Variants in PRKRIP1 observed in about 807,000 individuals in gnomAD.
PRKRIP1 encodes the protein PRKR-interacting protein 1.
A neutral mutation model predicts 29.3 loss-of-function variants in PRKRIP1; 29 were observed. That is an observed-to-expected ratio of 0.99 (90% CI 0.74 to 1.35). PRKRIP1 has a LOEUF of 1.35. Ranked by LOEUF, PRKRIP1 falls within the 40% of genes most tolerant of loss-of-function variation. The probability of loss-of-function intolerance (pLI) is 0.00; values close to 1 mark genes in which losing one functional copy is unlikely to be tolerated. For synonymous variants in PRKRIP1, 90 were observed against 85.1 expected (o/e 1.06, Z -0.32); for missense variants, 247 against 236.8 (o/e 1.04, Z -0.28).
At chr7:102,416,452 G>A (rs782614673) in intron 5 of PRKRIP1, among the ~76,000 whole-genome samples, 5 of 152,110 alleles carry the variant, frequency 3.3e-5, no homozygotes, top group African/African-American at 7.2e-5. Flanking sequence ...AGGGCACCGC[G>A]TCACATTGTG....
intron 3 of PRKRIP1, among the ~76,000 whole-genome samples, chr7:102,400,233 G>A (rs1484507247): frequency 6.6e-6 from 1 of 151,166 alleles, no homozygotes; most frequent in Non-Finnish European, 1.5e-5. Context: ...TTGCTGGAAC[G>A]TGGGAGGTGG....
intron 3 of PRKRIP1, among the ~76,000 whole-genome samples, chr7:102,400,929 C>T (rs967866001): frequency 6.6e-6 from 1 of 152,066 alleles, no homozygotes; most frequent in African/African-American, 2.4e-5. Context: ...AGCCACCATG[C>T]CCGGCCAGCT....
intron 5 of PRKRIP1, chr7:102,422,927 AAACATCCG>A (rs1554573929): frequency 5.2e-5 from 15 of 285,754 alleles, no homozygotes; most frequent in Non-Finnish European, 1.1e-4. Context: ...GAAACATCCG[AAACATCCG>A]AAATCTGAAA....
intron 5 of PRKRIP1, among the ~76,000 whole-genome samples, chr7:102,416,646 A>G (rs538569373): frequency 6.7e-6 from 1 of 149,634 alleles, no homozygotes; most frequent in East Asian, 2.0e-4. Context: ...ACATCAGGGC[A>G]TTGTACTGCC....
At chr7:102,414,135 G>C (rs1466369280) in intron 5 of PRKRIP1, among the ~76,000 whole-genome samples, 1 of 152,110 alleles carries the variant, frequency 6.6e-6, no homozygotes, top group African/African-American at 2.4e-5. Context: ...GCTGAGACAG[G>C]AGAATCACTT....
chr7:102,424,917 C>A, intron 5 of PRKRIP1, 97 bp from the exon 6 acceptor site: 1 of 1,279,614 alleles, frequency 7.8e-7, no homozygotes, highest in Non-Finnish European at 1.1e-6. Context: ...GGTCTAGGAA[C>A]AGGGACTTTT....
In PRKRIP1 at chr7:102,396,459, A is replaced by C; in HGVS notation, c.48A>C (p.Lys16Asn). The C allele has an allele frequency of 6.2e-7, 1 of 1,608,366 alleles. No individual in the cohort carries two copies. Among genetic ancestry groups the C allele is most frequent in the East Asian group, 2.2e-5 (1 of 44,536 alleles). Reference sequence around the variant, plus strand: ...CGGTGCGACCACCGAGGCCCAAGAAAGAGCCGCAGACGCTCGTCATCCCCA... The same window carrying C: ...CGGTGCGACCACCGAGGCCCAAGAACGAGCCGCAGACGCTCGTCATCCCCA... ...ASSVRPPRPK[K>N]EPQTLVIPKN... Residue 16 changes from lysine (K) to asparagine (N), a missense_variant, in exon 1 of 6, where the codon AAA becomes AAC. This residue lies in a region of PRKRIP1 where 105 missense variants were observed against 80.2 expected (regional missense o/e 1.31). Transcript: ENST00000397912.
intron 5 of PRKRIP1, among the ~76,000 whole-genome samples, chr7:102,421,285 T>A (rs1554573704): frequency 6.6e-6 from 1 of 152,218 alleles, no homozygotes. Context: ...GGCTCATGCC[T>A]GTAATCCCAG....
intron 1 of PRKRIP1, among the ~76,000 whole-genome samples, chr7:102,397,019 C>T (rs1233929624): frequency 6.6e-6 from 1 of 151,980 alleles, no homozygotes; most frequent in Non-Finnish European, 1.5e-5. Flanking sequence ...AAAAGCTTGA[C>T]TCTTCTTATC....
At chr7:102,417,897 C>G (rs915084825) in intron 5 of PRKRIP1, among the ~76,000 whole-genome samples, 5 of 151,226 alleles carry the variant, frequency 3.3e-5, no homozygotes, top group Non-Finnish European at 5.9e-5. Context: ...GCTGGAATTA[C>G]AGGCATGAAC....
At chr7:102,423,120 C>CTTTTTTT in intron 5 of PRKRIP1, 7 of 382,322 alleles carry the variant, frequency 1.8e-5, no homozygotes, top group Non-Finnish European at 3.1e-5. Flanking sequence ...ACCCTATGCT[C>CTTTTTTT]TTTTTTTTTT....
chr7:102,404,726 G>A (rs782428978), intron 4 of PRKRIP1, 43 bp downstream of exon 4: 1 of 1,506,712 alleles, frequency 6.6e-7, no homozygotes. Flanking sequence ...AAGGGCCAGG[G>A]GTGGTGGCTG....
rs1796391493 is a variant in PRKRIP1 at position 102,411,814 on chromosome 7, T to TTTG, written c.457+4318_457+4319insGTT. On this transcript the variant is annotated intron_variant, in intron 5 of 5. Coordinates refer to ENST00000397912, the MANE Select transcript of PRKRIP1 (RefSeq NM_024653.4). ...ACCAACACTTATTTTCTGTTTTTTTTTTTGTTTGTTTGTTTTGTTTTTAGG... is the reference window on the plus strand; with the variant it reads ...ACCAACACTTATTTTCTGTTTTTTTTTTGTTTGTTTGTTTGTTTTGTTTTTAGG... Among the ~76,000 whole-genome samples the TTTG allele has an allele frequency of 2.1e-5, 3 of 144,294 alleles. No individual in the cohort carries two copies. In the South Asian group the frequency reaches 6.5e-4, roughly 31 times the overall value. 94.7% of individuals were successfully genotyped at this position (144,294 alleles called of 152,430 possible). A position where few individuals can be genotyped will look rare whatever the true frequency, so the allele number is the denominator to read the frequency against.
chr7:102,415,473 T>G (rs1796508514), intron 5 of PRKRIP1, among the ~76,000 whole-genome samples: 1 of 152,166 alleles, frequency 6.6e-6, no homozygotes, highest in Non-Finnish European at 1.5e-5. Context: ...TGATTTCAGG[T>G]GATTCACCCG....
At chr7:102,414,492 C>G (rs534335911) in intron 5 of PRKRIP1, among the ~76,000 whole-genome samples, 26 of 152,318 alleles carry the variant, frequency 1.7e-4, no homozygotes, top group Non-Finnish European at 3.1e-4. Context: ...TACACCTAAT[C>G]TTTCTCCTTT....
intron 3 of PRKRIP1, among the ~76,000 whole-genome samples, chr7:102,400,901 G>T (rs1554571106): frequency 6.6e-6 from 1 of 152,126 alleles, no homozygotes; most frequent in African/African-American, 2.4e-5. Context: ...CTCCCAAAGT[G>T]CTGGGATTAC....
chr7:102,406,739 G>A (rs782406312), intron 4 of PRKRIP1, among the ~76,000 whole-genome samples: 6 of 152,028 alleles, frequency 3.9e-5, no homozygotes, highest in Non-Finnish European at 8.8e-5. Context: ...GGCCAAATGC[G>A]TTGTTGATGT....
intron 4 of PRKRIP1, among the ~76,000 whole-genome samples, chr7:102,406,745 G>C (rs1372093321): frequency 6.6e-6 from 1 of 152,002 alleles, no homozygotes; most frequent in African/African-American, 2.4e-5. Context: ...ATGCGTTGTT[G>C]ATGTTGTGAG....
intron 5 of PRKRIP1, among the ~76,000 whole-genome samples, chr7:102,409,921 T>A (rs1554572338): frequency 1.3e-5 from 2 of 152,210 alleles, no homozygotes; most frequent in Non-Finnish European, 2.9e-5. Context: ...TTGTCATTGT[T>A]GCTATTTGTG....
Sources: allele counts gnomAD v4.1 joint callset (sites outside exome capture counted in the v4.1 genomes callset), GRCh38; gene constraint gnomAD v4.1.1; regional missense constraint gnomAD v4.1.1; transcripts MANE v1.5; gene names NCBI Gene and HGNC (gene_info 2026-07-23, HGNC 2026-07-21).